The following TANC2 variants were observed in gnomAD, a reference collection of about 807,000 sequenced individuals.
TANC2 encodes the protein tetratricopeptide repeat, ankyrin repeat and coiled-coil containing 2.
In TANC2, 26 loss-of-function variants were observed where a neutral mutation model predicts 210.5. The observed-to-expected ratio is 0.12, with a 90% CI of 0.09 to 0.17. The LOEUF is 0.17. Ranked by LOEUF, TANC2 falls within the 10% of genes least tolerant of loss-of-function variation. The probability of loss-of-function intolerance (pLI) is 1.00; values close to 1 mark genes in which losing one functional copy is unlikely to be tolerated. For missense variants in TANC2, 2,129 were observed against 2,608.9 expected, an observed-to-expected ratio of 0.82 and a Z score of 4.01; for synonymous variants, 931 against 967.1, an observed-to-expected ratio of 0.96 and a Z score of 0.69.
In TANC2 at chr17:62,980,424, C is replaced by T. The variant is rs150874866; in HGVS notation, c.-24+13675C>T. Among the ~76,000 whole-genome samples the T allele has an allele frequency of 1.2e-3, 178 of 152,240 alleles. 5 individuals carry two copies. In the East Asian group the frequency reaches 0.032, roughly 27 times the overall value. On this transcript the variant is annotated intron_variant, in intron 1 of 27. Coordinates refer to ENST00000689528, the Ensembl canonical transcript of TANC2. ...CTTTTTGAGTGCTGACATGACAACT[C>T]AAAGGAAATGTTCATTGGAAGATTT...
intron 11 of TANC2, among the ~76,000 whole-genome samples, chr17:63,334,691 A>G (rs1213984426): frequency 6.6e-6 from 1 of 152,240 alleles, no homozygotes. Flanking sequence ...ATTAACTACA[A>G]AGGGAAAGAT....
intron 3 of TANC2, among the ~76,000 whole-genome samples, chr17:63,086,995 A>G (rs2036993948): frequency 6.6e-6 from 1 of 152,202 alleles, no homozygotes. Flanking sequence ...GCGGCAACTC[A>G]CTGGCGTCCC....
intron 4 of TANC2, among the ~76,000 whole-genome samples, chr17:63,147,383 C>G (rs965933558): frequency 6.6e-6 from 1 of 152,026 alleles, no homozygotes; most frequent in Admixed American, 6.6e-5. Flanking sequence ...GAAATTCTAA[C>G]TTTACCACAC....
intron 7 of TANC2, among the ~76,000 whole-genome samples, chr17:63,237,102 C>T (rs1471310556): frequency 6.6e-6 from 1 of 152,046 alleles, no homozygotes; most frequent in African/African-American, 2.4e-5. Context: ...TTTATATTCC[C>T]GTTAACGGTG....
intron 7 of TANC2, among the ~76,000 whole-genome samples, chr17:63,205,902 C>A (rs953661624): frequency 1.3e-5 from 2 of 151,926 alleles, no homozygotes; most frequent in African/African-American, 4.8e-5. Flanking sequence ...AGCAAGACTT[C>A]ATCTCAAAAA....
intron 5 of TANC2, among the ~76,000 whole-genome samples, chr17:63,176,461 T>C (rs57949662): frequency 0.025 from 3,755 of 152,278 alleles, 156 homozygotes; most frequent in African/African-American, 0.084. Context: ...ATATAACCTA[T>C]TTAATTACTT....
chr17:63,288,085 G>T (rs11869110), intron 9 of TANC2, among the ~76,000 whole-genome samples: 1 of 152,140 alleles, frequency 6.6e-6, no homozygotes, highest in Non-Finnish European at 1.5e-5. Flanking sequence ...TCTTTTCTCA[G>T]CCTTGGATAG....
intron 14 of TANC2, among the ~76,000 whole-genome samples, chr17:63,364,959 AATG>A (rs1453368725): frequency 2.0e-5 from 3 of 152,162 alleles, no homozygotes; most frequent in African/African-American, 7.2e-5. Context: ...CTTAATCTAA[AATG>A]AGGTGGAAGT....
At chr17:63,256,992 G>C (rs1034589396) in intron 8 of TANC2, among the ~76,000 whole-genome samples, 1 of 149,922 alleles carries the variant, frequency 6.7e-6, no homozygotes, top group Admixed American at 6.6e-5. Flanking sequence ...TTTTCAGTCT[G>C]TATATGTCTT....
chr17:63,200,986 G>A, intron 7 of TANC2, 29 bp downstream of exon 7: 2 of 1,567,384 alleles, frequency 1.3e-6, no homozygotes. Flanking sequence ...TGATAATTTT[G>A]TGTCCTTTTT....
intron 9 of TANC2, among the ~76,000 whole-genome samples, chr17:63,284,530 T>C (rs2146371435): frequency 6.6e-6 from 1 of 152,204 alleles, no homozygotes; most frequent in East Asian, 1.9e-4. Context: ...TTCTTTGATT[T>C]ACATGTATTT....
intron 5 of TANC2, among the ~76,000 whole-genome samples, chr17:63,178,565 C>T (rs529293676): frequency 2.0e-5 from 3 of 152,214 alleles, no homozygotes; most frequent in Admixed American, 6.5e-5. Context: ...GGTAATCGTT[C>T]GAGAACTAAG....
intron 4 of TANC2, among the ~76,000 whole-genome samples, chr17:63,147,756 A>G (rs1245144080): frequency 6.6e-6 from 1 of 152,200 alleles, no homozygotes; most frequent in Admixed American, 6.5e-5. Context: ...AACTTAGACC[A>G]TTTTGATTTG....
chr17:63,062,511 T>A (rs2036031571), intron 2 of TANC2, among the ~76,000 whole-genome samples: 1 of 152,194 alleles, frequency 6.6e-6, no homozygotes, highest in Admixed American at 6.5e-5. Flanking sequence ...GCAGGCCCCA[T>A]GTACTCATTT....
At position 63,209,621 on chromosome 17, in the gene TANC2, G is replaced by C. The variant is rs2041825858; in HGVS notation, c.769+8664G>C. ...TCTAATTTTTTGTTTTTTTAGTAGA[G>C]ACAGGGTTTCCCTATGTTGGCCAGG... On this transcript the variant is annotated intron_variant, in intron 7 of 27. Coordinates refer to ENST00000689528, the Ensembl canonical transcript of TANC2. 4.6e-5 allele frequency among the ~76,000 whole-genome samples: 7 copies of C among 152,000 alleles called. No homozygotes were observed. The South Asian group carries it at 1.5e-3, about 32-fold the overall frequency.
chr17:63,111,946 G>T (rs1031827683), intron 4 of TANC2, among the ~76,000 whole-genome samples: 3 of 151,980 alleles, frequency 2.0e-5, no homozygotes, highest in Non-Finnish European at 4.4e-5. Context: ...GGATGGTCTC[G>T]ATCTCCTGAC....
intron 9 of TANC2, among the ~76,000 whole-genome samples, chr17:63,276,982 A>G (rs1311916692): frequency 6.6e-6 from 1 of 152,184 alleles, no homozygotes; most frequent in Non-Finnish European, 1.5e-5. Context: ...GCGGTATTGG[A>G]GATGGCAAAG....
intron 3 of TANC2, among the ~76,000 whole-genome samples, chr17:63,091,298 T>C (rs146129190): frequency 0.029 from 4,481 of 152,318 alleles, 80 homozygotes; most frequent in South Asian, 0.037. Context: ...GCCTGTGTCC[T>C]GAATGGTATT....
At chr17:63,126,551 G>A (rs1325795687) in intron 4 of TANC2, among the ~76,000 whole-genome samples, 7 of 152,098 alleles carry the variant, frequency 4.6e-5, no homozygotes, top group Non-Finnish European at 1.5e-5. Context: ...TGGGACTACA[G>A]GTGCATGCCA....
Sources: gnomAD v4.1 joint callset for allele counts (sites outside exome capture counted in the v4.1 genomes callset) on GRCh38, gnomAD v4.1.1 for gene constraint, MANE v1.5 for transcripts, NCBI Gene and HGNC (gene_info 2026-07-23, HGNC 2026-07-21) for gene names.